The following KLHL32 variants were observed in gnomAD, a reference collection of about 807,000 sequenced individuals.
The protein encoded by KLHL32 is kelch-like protein 32.
Under a neutral mutation model 64.8 loss-of-function variants are expected in KLHL32, and 35 were observed. The ratio of observed to expected loss-of-function variants is 0.54; its 90% CI spans 0.41 to 0.72. KLHL32 has a LOEUF of 0.72. Ranked by LOEUF, KLHL32 falls within the 30% of genes least tolerant of loss-of-function variation. The pLI is 0.00. For missense variants in KLHL32, 589 were observed against 768.5 expected (o/e 0.77, Z 2.76); for synonymous variants, 259 against 281.0 (o/e 0.92, Z 0.78).
the KLHL32 span, among the ~76,000 whole-genome samples, chr6:96,913,229 CT>C: frequency 6.6e-6 from 1 of 152,152 alleles, no homozygotes; most frequent in Admixed American, 6.5e-5. Flanking sequence ...ACCCCAGCAA[CT>C]AATAAACTGA....
At chr6:97,026,747 G>T (rs1408723404) in intron 3 of KLHL32, among the ~76,000 whole-genome samples, 3 of 152,130 alleles carry the variant, frequency 2.0e-5, no homozygotes, top group East Asian at 3.9e-4. Flanking sequence ...TGAAATTGAG[G>T]GTTAAAATTT....
intron 6 of KLHL32, among the ~76,000 whole-genome samples, chr6:97,088,926 C>G (rs111341807): frequency 5.6e-3 from 856 of 152,228 alleles, no homozygotes; most frequent in Non-Finnish European, 8.6e-3. Context: ...TTCTCTTTCA[C>G]CAGAGTAAGA....
chr6:96,995,927 A>G (rs1390812690), intron 3 of KLHL32, among the ~76,000 whole-genome samples: 2 of 152,252 alleles, frequency 1.3e-5, no homozygotes, highest in Non-Finnish European at 2.9e-5. Context: ...GTGACCAACT[A>G]AACACTAGTG....
chr6:97,047,949 G>A (rs1267824430), intron 4 of KLHL32, among the ~76,000 whole-genome samples: 3 of 152,156 alleles, frequency 2.0e-5, no homozygotes, highest in East Asian at 1.9e-4. Context: ...ATAGGACTGC[G>A]AACCACAATA....
At chr6:97,041,985 T>C (rs2128128022) in intron 4 of KLHL32, among the ~76,000 whole-genome samples, 1 of 152,324 alleles carries the variant, frequency 6.6e-6, no homozygotes, top group South Asian at 2.1e-4. Flanking sequence ...CAAAAATTTA[T>C]GTCCAACGTC....
intron 1 of KLHL32, among the ~76,000 whole-genome samples, chr6:96,928,577 G>A (rs1486308006): frequency 6.6e-6 from 1 of 152,112 alleles, no homozygotes; most frequent in African/African-American, 2.4e-5. Flanking sequence ...GACAAACCAA[G>A]TATTATATTC....
At chr6:96,932,777 C>G (rs1199141014) in intron 1 of KLHL32, among the ~76,000 whole-genome samples, 1 of 151,958 alleles carries the variant, frequency 6.6e-6, no homozygotes, top group East Asian at 1.9e-4. Flanking sequence ...CACTATGTTT[C>G]CCTGGCTGGT....
At chr6:96,910,446 T>C in the KLHL32 span, among the ~76,000 whole-genome samples, 2 of 152,162 alleles carry the variant, frequency 1.3e-5, no homozygotes, top group Admixed American at 1.3e-4. Flanking sequence ...GTATGAGCAC[T>C]CTAATTTGTG....
intron 1 of KLHL32, among the ~76,000 whole-genome samples, chr6:96,942,660 TG>T (rs1771447247): frequency 8.7e-6 from 1 of 114,758 alleles, no homozygotes; most frequent in South Asian, 3.6e-4. Context: ...GTGGGGTGTG[TG>T]TGTGTGTGTG....
In KLHL32 at chr6:97,045,034, G is replaced by A. The variant is rs529890870; in HGVS notation, c.312+3435G>A. On this transcript the variant is annotated intron_variant, in intron 4 of 10. Coordinates refer to ENST00000369261, the MANE Select transcript of KLHL32 (RefSeq NM_052904.4). ...GTTTTCTTTAGAGGCTTATTAAAAC[G>A]TATGATATCATTTATTCTCTTTTCT... Among the ~76,000 whole-genome samples the A allele has an allele frequency of 1.6e-4, 25 of 152,038 alleles. No homozygotes were observed. The South Asian group carries it at 3.1e-3, about 19-fold the overall frequency.
chr6:96,977,262 A>C (rs1775809722), intron 3 of KLHL32, among the ~76,000 whole-genome samples: 1 of 152,206 alleles, frequency 6.6e-6, no homozygotes, highest in South Asian at 2.1e-4. Flanking sequence ...AATAACAAAG[A>C]CTAAGTAATT....
intron 1 of KLHL32, among the ~76,000 whole-genome samples, chr6:96,933,983 TC>T (rs1770259377): frequency 6.6e-6 from 1 of 152,208 alleles, no homozygotes; most frequent in South Asian, 2.1e-4. Context: ...TGTGCCTAAG[TC>T]TCCTGTATAA....
At chr6:97,043,431 G>T (rs560637861) in intron 4 of KLHL32, among the ~76,000 whole-genome samples, 1 of 147,136 alleles carries the variant, frequency 6.8e-6, no homozygotes, top group Non-Finnish European at 1.5e-5. Flanking sequence ...GCAGTATGTT[G>T]TGTATACATA....
Position 97,012,942 on chromosome 6 carries a change from C to A in KLHL32, c.205-28550C>A, listed in dbSNP as rs189356584. Reference sequence around the variant, plus strand: ...CTGCACCTTCCTCAGCACTCTAAGTCCAAAAGAGCCCTTTTTCAAAATTTC... The same window carrying A: ...CTGCACCTTCCTCAGCACTCTAAGTACAAAAGAGCCCTTTTTCAAAATTTC... On this transcript the variant is annotated intron_variant, in intron 3 of 10. Coordinates refer to ENST00000369261, the MANE Select transcript of KLHL32 (RefSeq NM_052904.4). 6.2e-3 allele frequency among the ~76,000 whole-genome samples: 947 copies of A among 152,222 alleles called. 4 individuals are homozygous for A. Among genetic ancestry groups the A allele is most frequent in the Non-Finnish European group, 0.011 (733 of 68,018 alleles).
At chr6:96,982,231 C>G (rs1776402825) in intron 3 of KLHL32, among the ~76,000 whole-genome samples, 1 of 152,120 alleles carries the variant, frequency 6.6e-6, no homozygotes, top group Non-Finnish European at 1.5e-5. Flanking sequence ...AATCTGAGTG[C>G]TCCTGTGTTG....
In KLHL32 at chr6:97,053,361, C is replaced by T. The variant is rs1787258217; in HGVS notation, c.313-11267C>T. Among the ~76,000 whole-genome samples, 5 of 152,106 alleles carry T rather than the reference C, an allele frequency of 3.3e-5. 1 individual carries two copies. Among genetic ancestry groups the T allele is most frequent in the Admixed American group, 2.0e-4 (3 of 15,286 alleles). ...TAGCTCTGCCTATGAAAATGAAGTG[C>T]CTCCAAATTCCCAGCTTGCTCCATA... is the stretch of plus-strand genomic sequence containing the variant. On this transcript the variant is annotated intron_variant, in intron 4 of 10. Transcript: ENST00000369261.
chr6:96,962,856 AT>A lies in KLHL32; in HGVS notation c.-65-4136del, dbSNP rs67578061. Reference sequence around the variant, plus strand: ...CATATTGATATGTGCAAACAGCTTCATTTTGTAAAATGTGTGTTTTATTTTT... The same window carrying A: ...CATATTGATATGTGCAAACAGCTTCATTTGTAAAATGTGTGTTTTATTTTT... On this transcript the variant is annotated intron_variant, in intron 1 of 10. Coordinates refer to ENST00000369261, the MANE Select transcript of KLHL32 (RefSeq NM_052904.4). Among the ~76,000 whole-genome samples the A allele has an allele frequency of 5.1e-3, 780 of 152,352 alleles. 8 individuals carry two copies. Among genetic ancestry groups the A allele is most frequent in the African/African-American group, 0.018 (735 of 41,586 alleles).
intron 3 of KLHL32, among the ~76,000 whole-genome samples, chr6:96,981,981 A>G (rs1232066779): frequency 1.3e-5 from 2 of 152,166 alleles, no homozygotes; most frequent in East Asian, 1.9e-4. Flanking sequence ...TGAGTCATCA[A>G]TTTCAGAGTA....
intron 6 of KLHL32, among the ~76,000 whole-genome samples, chr6:97,096,279 G>T: frequency 6.6e-6 from 1 of 152,178 alleles, no homozygotes; most frequent in East Asian, 1.9e-4. Context: ...GCACACACTT[G>T]CAGGTAGACA....
Sources: allele counts gnomAD v4.1 joint callset (sites outside exome capture counted in the v4.1 genomes callset), GRCh38; gene constraint gnomAD v4.1.1; transcripts MANE v1.5; gene names NCBI Gene and HGNC (gene_info 2026-07-23, HGNC 2026-07-21).